SPAG16: variants seen among roughly 807,000 people sequenced by gnomAD.
SPAG16 encodes sperm-associated antigen 16 protein.
A neutral mutation model predicts 80.4 loss-of-function variants in SPAG16; 86 were observed. The observed-to-expected ratio is 1.07, with a 90% CI of 0.90 to 1.28. SPAG16 has a LOEUF of 1.28. Ranked by LOEUF, SPAG16 falls within the 50% of genes most tolerant of loss-of-function variation. The pLI, the probability that SPAG16 is intolerant of heterozygous loss-of-function variation, is 0.00. For synonymous variants in SPAG16, 294 were observed against 265.9 expected (o/e 1.11, Z -1.03); for missense variants, 870 against 765.3 (o/e 1.14, Z -1.61).
chr2:214,054,814 T>G (rs2049849486), intron 13 of SPAG16, among the ~76,000 whole-genome samples: 1 of 152,184 alleles, frequency 6.6e-6, no homozygotes, highest in African/African-American at 2.4e-5. Flanking sequence ...AATGTTGCAG[T>G]TTTAATTACA....
intron 6 of SPAG16, among the ~76,000 whole-genome samples, chr2:213,342,124 G>A (rs1266198060): frequency 6.6e-6 from 1 of 151,670 alleles, no homozygotes; most frequent in Non-Finnish European, 1.5e-5. Context: ...GGGAAATTTT[G>A]CCATCAATAT....
intron 11 of SPAG16, among the ~76,000 whole-genome samples, chr2:213,886,288 G>A (rs961185074): frequency 1.3e-5 from 2 of 152,044 alleles, no homozygotes; most frequent in Non-Finnish European, 2.9e-5. Context: ...GAGAAAAGAC[G>A]TTCTGGTTTC....
chr2:213,781,311 A>G (rs2069948907), intron 10 of SPAG16, among the ~76,000 whole-genome samples: 1 of 152,192 alleles, frequency 6.6e-6, no homozygotes, highest in Non-Finnish European at 1.5e-5. Context: ...ATTTTTGTCC[A>G]CATCACCCAA....
intron 7 of SPAG16, among the ~76,000 whole-genome samples, chr2:213,358,520 T>C (rs1224502916): frequency 6.6e-6 from 1 of 152,234 alleles, no homozygotes; most frequent in East Asian, 1.9e-4. Flanking sequence ...CTTCAATCAC[T>C]GATATCCTTT....
chr2:213,928,553 A>G (rs1232459935), intron 11 of SPAG16, among the ~76,000 whole-genome samples: 1 of 152,238 alleles, frequency 6.6e-6, no homozygotes, highest in Non-Finnish European at 1.5e-5. Flanking sequence ...CCTATGAGCA[A>G]GAAAACAAAA....
intron 9 of SPAG16, among the ~76,000 whole-genome samples, chr2:213,405,304 A>G (rs1464229694): frequency 6.6e-6 from 1 of 152,172 alleles, no homozygotes. Context: ...AATTTAATCC[A>G]TGGAGGAAAA....
chr2:213,340,097 TC>T lies in SPAG16; in HGVS notation c.537-65del, dbSNP rs1028693972. On this transcript the variant is annotated intron_variant, in intron 5 of 15. Transcript: ENST00000331683. ...GAATGGCACAATACTGGATTTGAAC[TC>T]AAGACTAAATAATTTTTCGAAAAAG... The T allele has an allele frequency of 5.8e-6, 6 of 1,030,040 alleles. No homozygotes were observed. The African/African-American group carries it at 8.1e-5, about 14-fold the overall frequency. The allele number at this position is 1,030,040 out of a possible 1,614,324, so 63.8% of individuals were successfully genotyped here.
chr2:214,320,764 C>G (rs1364741541), intron 15 of SPAG16, among the ~76,000 whole-genome samples: 1 of 152,182 alleles, frequency 6.6e-6, no homozygotes, highest in Non-Finnish European at 1.5e-5. Flanking sequence ...TTACCTCCAC[C>G]TGGTCTCTCC....
intron 5 of SPAG16, among the ~76,000 whole-genome samples, chr2:213,332,906 C>T (rs1023395669): frequency 4.9e-4 from 74 of 152,074 alleles, no homozygotes; most frequent in African/African-American, 1.7e-3. Context: ...GTCATGCCAC[C>T]GTGTCATACT....
intron 9 of SPAG16, among the ~76,000 whole-genome samples, chr2:213,410,025 G>A (rs1036854104): frequency 6.6e-6 from 1 of 151,692 alleles, no homozygotes; most frequent in Non-Finnish European, 1.5e-5. Context: ...AAACTTTAGC[G>A]ATCCTGGGAA....
intron 13 of SPAG16, among the ~76,000 whole-genome samples, chr2:214,059,493 G>A (rs1381981051): frequency 6.6e-6 from 1 of 151,372 alleles, no homozygotes; most frequent in Non-Finnish European, 1.5e-5. Context: ...TTTCTTCCAT[G>A]TGATCTTATT....
At chr2:213,734,748 GT>G (rs2067207833) in intron 10 of SPAG16, among the ~76,000 whole-genome samples, 9 of 151,840 alleles carry the variant, frequency 5.9e-5, no homozygotes, top group Admixed American at 3.3e-4. Flanking sequence ...AATTTCTTTA[GT>G]TTTCAGTGGC....
intron 1 of SPAG16, among the ~76,000 whole-genome samples, chr2:213,285,448 A>G (rs186048764): frequency 1.8e-4 from 27 of 152,300 alleles, no homozygotes; most frequent in African/African-American, 3.9e-4. Context: ...TCCTTTATTC[A>G]GGGAGGTAAG....
At chr2:214,324,704 G>A (rs549446354) in intron 15 of SPAG16, among the ~76,000 whole-genome samples, 3 of 152,220 alleles carry the variant, frequency 2.0e-5, no homozygotes, top group African/African-American at 7.2e-5. Context: ...GTAAAGAAAA[G>A]TTTCTGATAT....
chr2:213,302,465 C>T (rs1027952699), intron 3 of SPAG16: 2 of 151,990 alleles, frequency 1.3e-5, no homozygotes, highest in African/African-American at 2.4e-5. Context: ...CTAAATGAAC[C>T]GTTCAGTTCC....
At position 213,742,560 on chromosome 2, in the gene SPAG16, T is replaced by TG. The variant is rs1331495570; in HGVS notation, c.1071-119925_1071-119924insG. 9.9e-5 allele frequency among the ~76,000 whole-genome samples: 15 copies of TG among 150,878 alleles called. 1 individual carries two copies. Among genetic ancestry groups the TG allele is most frequent in the Admixed American group, 2.6e-4 (4 of 15,188 alleles). ...TTTTGCTTATTTCTTTTTTTTTTTT[T>TG]TTTTTTTTTGAGACGAAGTTTCGGT... is the stretch of plus-strand genomic sequence containing the variant. On this transcript the variant is annotated intron_variant, in intron 10 of 15. Coordinates refer to ENST00000331683, the MANE Select transcript of SPAG16 (RefSeq NM_024532.5).
At chr2:214,082,097 C>T (rs980176814) in intron 13 of SPAG16, among the ~76,000 whole-genome samples, 3 of 152,250 alleles carry the variant, frequency 2.0e-5, no homozygotes, top group Non-Finnish European at 2.9e-5. Context: ...TTCTTCCTGG[C>T]TCTTCTTGCC....
At chr2:213,686,228 C>T (rs1252802404) in intron 10 of SPAG16, among the ~76,000 whole-genome samples, 2 of 152,176 alleles carry the variant, frequency 1.3e-5, no homozygotes, top group African/African-American at 2.4e-5. Flanking sequence ...AAGTGATTCT[C>T]CTGCCTCAGC....
At chr2:213,392,650 G>T (rs2067815342) in intron 9 of SPAG16, among the ~76,000 whole-genome samples, 1 of 152,042 alleles carries the variant, frequency 6.6e-6, no homozygotes, top group African/African-American at 2.4e-5. Context: ...TTCAAGAATA[G>T]CCTGGCCAAC....
Sources: allele counts gnomAD v4.1 joint callset (sites outside exome capture counted in the v4.1 genomes callset), GRCh38; gene constraint gnomAD v4.1.1; transcripts MANE v1.5; gene names NCBI Gene and HGNC (gene_info 2026-07-23, HGNC 2026-07-21).